YTHDC2: variants seen among roughly 807,000 people sequenced by gnomAD.
YTHDC2 encodes 3'-5' RNA helicase YTHDC2.
Under a neutral mutation model 174.9 loss-of-function variants are expected in YTHDC2, and 45 were observed. That is an observed-to-expected ratio of 0.26 (90% CI 0.20 to 0.33). YTHDC2 has a LOEUF of 0.33. Among genes scored for constraint, YTHDC2 ranks in the 10% least tolerant of loss-of-function variants. The pLI is 1.00. For missense variants in YTHDC2, 1,650 were observed against 1,723.7 expected, an observed-to-expected ratio of 0.96 and a Z score of 0.76; for synonymous variants, 657 against 574.5, an observed-to-expected ratio of 1.14 and a Z score of -2.05.
chr5:113,577,097 A>T (rs1265046506), intron 23 of YTHDC2, among the ~76,000 whole-genome samples: 1 of 152,142 alleles, frequency 6.6e-6, no homozygotes, highest in Non-Finnish European at 1.5e-5. Flanking sequence ...CCTCCTTTAG[A>T]AAGCTTGCAT....
intron 2 of YTHDC2, 44 bp downstream of exon 2, chr5:113,515,406 G>C: frequency 6.6e-7 from 1 of 1,511,320 alleles, no homozygotes; most frequent in Non-Finnish European, 9.1e-7. Context: ...AAGATTATTT[G>C]CCCAAAAAAG....
In YTHDC2 at chr5:113,532,946, C is replaced by T; in HGVS notation, c.743C>T (p.Pro248Leu). The change falls in exon 5 of 30, where the codon CCA (proline) becomes CTA (leucine). Residue 248 changes from proline to leucine, a missense_variant. Physicochemically the swap from Pro to Leu is moderately conservative, Grantham distance 98 (BLOSUM62 -3). Coordinates refer to ENST00000161863, the MANE Select transcript of YTHDC2 (RefSeq NM_022828.5). ...CCCTGCCGTATATTTTGTACTCAACCAAGACGATTGGCAGCTATCGCTGTG... is the reference window on the plus strand; with the variant it reads ...CCCTGCCGTATATTTTGTACTCAACTAAGACGATTGGCAGCTATCGCTGTG... ...GIPCRIFCTQ[P>L]RRLAAIAVAE... The T allele has an allele frequency of 6.2e-7, 1 of 1,614,104 alleles. No individual in the cohort carries two copies. Among genetic ancestry groups the T allele is most frequent in the Non-Finnish European group, 8.5e-7 (1 of 1,180,008 alleles).
At position 113,542,390 on chromosome 5, in the gene YTHDC2, T is replaced by C. The variant is rs771573039; in HGVS notation, c.1382T>C (p.Leu461Pro). Residue 461 changes from leucine (L) to proline (P), a missense_variant, in exon 10 of 30, where the codon CTT (leucine) becomes CCT (proline). Leu to Pro is a moderately conservative substitution (Grantham distance 98). Around this residue, in one of 5 missense-constraint regions of YTHDC2, gnomAD observed 411 missense variants for 380.6 expected, o/e 1.08. Coordinates refer to ENST00000161863, the MANE Select transcript of YTHDC2 (RefSeq NM_022828.5). ...SQLTEKDVNC[L>P]EPWLIKEMDA... ...TAGACTGAAAAAGATGTGAATTGCC[T>C]TGAACCATGGTTAATAAAGGAAATG... The C allele has an allele frequency of 1.2e-6, 2 of 1,610,900 alleles. No individual in the cohort carries two copies. Among genetic ancestry groups the C allele is most frequent in the Admixed American group, 1.7e-5 (1 of 59,378 alleles).
Position 113,581,472 on chromosome 5 carries a change from G to A in YTHDC2, c.3410G>A (p.Arg1137Gln), listed in dbSNP as rs766737205. The change falls in exon 25 of 30, where the codon CGA (arginine) becomes CAA (glutamine). Residue 1137 changes from arginine (R) to glutamine (Q), a missense_variant. Arg to Gln is a conservative substitution (Grantham distance 43). This residue lies in a region of YTHDC2 where 913 missense variants were observed against 940.4 expected (regional missense o/e 0.97). Transcript: ENST00000161863. ...AAGTGGCATAGCTTATTTTTACGCC[G>A]AATGAGAGCTCCATCTAAACCTTGG... ...RQKWHSLFLR[R>Q]MRAPSKPWSQ... The A allele has an allele frequency of 6.2e-6, 10 of 1,613,372 alleles. No individual in the cohort carries two copies. The highest frequency in any genetic ancestry group is 1.7e-4 in the Middle Eastern group (1 of 6,058).
intron 26 of YTHDC2, among the ~76,000 whole-genome samples, chr5:113,590,751 A>C (rs1300086059): frequency 6.6e-6 from 1 of 152,224 alleles, no homozygotes; most frequent in Non-Finnish European, 1.5e-5. Context: ...TGATTTTGAA[A>C]GTTTATTAAA....
intron 26 of YTHDC2, among the ~76,000 whole-genome samples, chr5:113,584,933 C>T (rs1013577452): frequency 3.3e-5 from 5 of 151,552 alleles, no homozygotes; most frequent in African/African-American, 1.2e-4. Flanking sequence ...TGCCACCATG[C>T]CCAGCTGATT....
chr5:113,534,471 G>T (rs1044831893), intron 6 of YTHDC2, 64 bp downstream of exon 6: 38 of 1,411,794 alleles, frequency 2.7e-5, no homozygotes, highest in Non-Finnish European at 3.7e-5. Context: ...TACATATGCC[G>T]TTTCAGGATA....
intron 23 of YTHDC2, among the ~76,000 whole-genome samples, chr5:113,574,593 C>G (rs539069407): frequency 6.6e-6 from 1 of 152,172 alleles, no homozygotes; most frequent in Non-Finnish European, 1.5e-5. Context: ...AGCCACCCCT[C>G]CCCCTGGGAA....
intron 16 of YTHDC2, 59 bp downstream of exon 16, chr5:113,554,081 A>C: frequency 7.6e-7 from 1 of 1,314,004 alleles, no homozygotes; most frequent in Non-Finnish European, 1.0e-6. Flanking sequence ...CTACTTCAAC[A>C]AATACTTTTA....
intron 24 of YTHDC2, 41 bp from the exon 25 acceptor site, chr5:113,581,376 A>G: frequency 1.3e-6 from 2 of 1,509,208 alleles, no homozygotes; most frequent in Non-Finnish European, 1.8e-6. Context: ...TGTTTTGCAT[A>G]TGTGATATTC....
chr5:113,517,662 A>T (rs1773547846), intron 2 of YTHDC2: 3 of 447,892 alleles, frequency 6.7e-6, no homozygotes, highest in African/African-American at 6.0e-5. Flanking sequence ...ATGCTTTCAA[A>T]CCTTCTTACG....
At chr5:113,517,181 A>T (rs1434334090) in intron 2 of YTHDC2, among the ~76,000 whole-genome samples, 1 of 152,222 alleles carries the variant, frequency 6.6e-6, no homozygotes, top group Non-Finnish European at 1.5e-5. Flanking sequence ...TTCTATGAAT[A>T]TTCACACTGA....
chr5:113,563,520 A>G (rs765991956), intron 19 of YTHDC2, 28 bp downstream of exon 19: 6 of 1,554,546 alleles, frequency 3.9e-6, no homozygotes, highest in Admixed American at 2.1e-5. Context: ...TTTATTTTAC[A>G]TGACATTTTT....
chr5:113,520,368 T>C (rs556579842), intron 2 of YTHDC2, among the ~76,000 whole-genome samples: 36 of 152,172 alleles, frequency 2.4e-4, no homozygotes, highest in Non-Finnish European at 4.1e-4. Flanking sequence ...AAAGAAGATA[T>C]TAGAAATGAA....
chr5:113,529,575 C>A (rs941511611), intron 4 of YTHDC2, among the ~76,000 whole-genome samples: 2 of 152,100 alleles, frequency 1.3e-5, no homozygotes, highest in Admixed American at 1.3e-4. Flanking sequence ...ATTTATCAAG[C>A]TGATAAGCTT....
At chr5:113,573,335 C>G (rs904038103) in intron 23 of YTHDC2, among the ~76,000 whole-genome samples, 2 of 152,222 alleles carry the variant, frequency 1.3e-5, no homozygotes, top group Non-Finnish European at 2.9e-5. Flanking sequence ...TCTTAGAGGT[C>G]TACTGTTAGT....
chr5:113,560,217 G>C (rs577666736), intron 17 of YTHDC2, among the ~76,000 whole-genome samples: 2 of 152,164 alleles, frequency 1.3e-5, no homozygotes, highest in Admixed American at 1.3e-4. Flanking sequence ...ACCTATAAAG[G>C]ACTCCCATTT....
At chr5:113,535,820 C>T (rs755154747) in intron 7 of YTHDC2, 22 bp downstream of exon 7, 1 of 1,533,976 alleles carries the variant, frequency 6.5e-7, no homozygotes, top group East Asian at 2.3e-5. Context: ...TGTCAGATTT[C>T]TTCTATAATT....
At chr5:113,590,814 C>A (rs768714990) in intron 26 of YTHDC2, among the ~76,000 whole-genome samples, 2 of 152,216 alleles carry the variant, frequency 1.3e-5, no homozygotes, top group South Asian at 4.1e-4. Context: ...ACTCCAGGAG[C>A]CTTTGTTGAT....
Sources: gnomAD v4.1 joint callset for allele counts (sites outside exome capture counted in the v4.1 genomes callset) on GRCh38, gnomAD v4.1.1 for gene constraint, gnomAD v4.1.1 regional missense constraint, MANE v1.5 for transcripts, NCBI Gene and HGNC (gene_info 2026-07-23, HGNC 2026-07-21) for gene names.